Variants in ERG observed in about 807,000 individuals in gnomAD.
ERG encodes transcriptional regulator ERG.
A neutral mutation model predicts 55.3 loss-of-function variants in ERG; 9 were observed. The ratio of observed to expected loss-of-function variants is 0.16; its 90% CI spans 0.10 to 0.28. The LOEUF is 0.28. ERG is among the 10% of genes least tolerant of loss of function. The pLI is 1.00. For missense variants in ERG, 434 were observed against 631.6 expected (o/e 0.69, Z 3.35); for synonymous variants, 223 against 237.3 (o/e 0.94, Z 0.55).
chr21:38,533,705 A>C (rs2146777659), intron 2 of ERG, among the ~76,000 whole-genome samples: 1 of 152,298 alleles, frequency 6.6e-6, no homozygotes. Flanking sequence ...CCTCATTAAA[A>C]CCAACACTTA....
chr21:38,475,157 G>A (rs2059176032), intron 1 of ERG, among the ~76,000 whole-genome samples: 1 of 152,222 alleles, frequency 6.6e-6, no homozygotes, highest in South Asian at 2.1e-4. Flanking sequence ...GAACTGAAAC[G>A]ACTGCAAAAA....
At chr21:38,439,189 T>TA (rs755429140) in intron 2 of ERG, among the ~76,000 whole-genome samples, 1 of 152,080 alleles carries the variant, frequency 6.6e-6, no homozygotes, top group Non-Finnish European at 1.5e-5. Flanking sequence ...AGGTGCCACT[T>TA]AGTGTAAGCT....
intron 1 of ERG, among the ~76,000 whole-genome samples, chr21:38,637,567 C>A (rs1225719946): frequency 6.6e-6 from 1 of 152,166 alleles, no homozygotes; most frequent in Non-Finnish European, 1.5e-5. Flanking sequence ...ATTGTCCTGA[C>A]AACTGTGCTA....
chr21:38,468,706 C>T (rs973923684), intron 1 of ERG, among the ~76,000 whole-genome samples: 5 of 152,140 alleles, frequency 3.3e-5, no homozygotes, highest in African/African-American at 4.8e-5. Flanking sequence ...GTGGCTTCTG[C>T]CGGGTGCGGT....
At chr21:38,422,251 T>G (rs1989581444) in intron 3 of ERG, among the ~76,000 whole-genome samples, 1 of 152,220 alleles carries the variant, frequency 6.6e-6, no homozygotes, top group Non-Finnish European at 1.5e-5. Context: ...TGACGCCAAA[T>G]TCAAATCCCT....
At chr21:38,493,119 A>AT (rs2059350292) in intron 1 of ERG, among the ~76,000 whole-genome samples, 2 of 152,168 alleles carry the variant, frequency 1.3e-5, no homozygotes, top group African/African-American at 4.8e-5. Context: ...AGACTTAAAA[A>AT]ATATATATAC....
At chr21:38,413,733 T>C (rs1989158589) in intron 3 of ERG, among the ~76,000 whole-genome samples, 1 of 38,928 alleles carries the variant, frequency 2.6e-5, no homozygotes, top group East Asian at 5.5e-4. Flanking sequence ...TTTGTTGTTG[T>C]TGCCTCCTGT....
intron 2 of ERG, among the ~76,000 whole-genome samples, chr21:38,445,100 G>A (rs16996322): frequency 0.035 from 5,294 of 150,680 alleles, 103 homozygotes; most frequent in South Asian, 0.094. Context: ...GCTGTCCAAC[G>A]TCACCGTTCA....
At chr21:38,415,271 C>A (rs1490286039) in intron 3 of ERG, among the ~76,000 whole-genome samples, 1 of 152,174 alleles carries the variant, frequency 6.6e-6, no homozygotes, top group Non-Finnish European at 1.5e-5. Flanking sequence ...GTACCTACAT[C>A]ATAGGGTGGT....
rs1022571584 is a variant in ERG, at chr21:38,381,770, T to C, written c.*1633A>G. On this transcript the variant is annotated 3_prime_UTR_variant, in exon 10 of 10. Transcript: ENST00000288319. ...CATAGGCCTCTTTCCATTCCAGGCA[T>C]AAATATGGAGGCTCCAATGTGAAAC... The C allele has an allele frequency of 1.0e-5, 11 of 1,063,340 alleles. No individual in the cohort carries two copies. The East Asian group carries it at 5.6e-4, about 54-fold the overall frequency. 65.9% of individuals were successfully genotyped at this position (1,063,340 alleles called of 1,614,324 possible). A position where few individuals can be genotyped will look rare whatever the true frequency, so the allele number is the denominator to read the frequency against.
At chr21:38,569,052 C>T (rs1035511931) in intron 2 of ERG, among the ~76,000 whole-genome samples, 3 of 152,202 alleles carry the variant, frequency 2.0e-5, no homozygotes, top group African/African-American at 7.2e-5. Context: ...CCTGCCCAGA[C>T]CCCAGCAGCA....
At chr21:38,554,031 A>G (rs181412932) in intron 2 of ERG, among the ~76,000 whole-genome samples, 8 of 152,314 alleles carry the variant, frequency 5.3e-5, no homozygotes, top group African/African-American at 1.9e-4. Context: ...AAAAACATGA[A>G]AAGACACTTC....
chr21:38,453,059 T>C (rs769360643), intron 1 of ERG, among the ~76,000 whole-genome samples: 29 of 152,222 alleles, frequency 1.9e-4, no homozygotes, highest in Admixed American at 5.2e-4. Flanking sequence ...AGAGACGTGT[T>C]TTTGTGAGAT....
chr21:38,480,591 C>CTTTTTTTTTTTTTTTTTTTTTTTT lies in ERG; in HGVS notation c.18+17771_18+17772insAAAAAAAAAAAAAAAAAAAAAAAA, dbSNP rs544037525. Among the ~76,000 whole-genome samples, 11 of 51,112 alleles carry CTTTTTTTTTTTTTTTTTTTTTTTT rather than the reference C, an allele frequency of 2.2e-4. 2 individuals are homozygous for CTTTTTTTTTTTTTTTTTTTTTTTT. Among genetic ancestry groups the CTTTTTTTTTTTTTTTTTTTTTTTT allele is most frequent in the Non-Finnish European group, 2.7e-4 (8 of 29,100 alleles). The allele number at this position is 51,112 out of a possible 152,430, so 33.5% of individuals were successfully genotyped here. On this transcript the variant is annotated intron_variant, in intron 1 of 9. Coordinates refer to ENST00000288319, the MANE Select transcript of ERG (RefSeq NM_182918.4). Reference sequence around the variant, plus strand: ...TTGCCACTTTAGGGCACTATATGGCCTTTTTTTTTTTTTTTTTTTTTTTGC... The same window carrying CTTTTTTTTTTTTTTTTTTTTTTTT: ...TTGCCACTTTAGGGCACTATATGGCCTTTTTTTTTTTTTTTTTTTTTTTTTTTTTTTTTTTTTTTTTTTTTTTGC...
chr21:38,569,148 C>A lies in ERG; in HGVS notation c.-41+6514G>T, dbSNP rs187752885. 5.3e-4 allele frequency among the ~76,000 whole-genome samples: 81 copies of A among 152,336 alleles called. 1 individual carries two copies. The highest frequency in any genetic ancestry group is 6.8e-3 in the Middle Eastern group (2 of 294). ...ATGCCCTGAGTGGCAGATGCTGTGT[C>A]TTTTTGATCCCTTCTCTCCCTCCCC... is the stretch of plus-strand genomic sequence containing the variant. On this transcript the variant is annotated intron_variant, in intron 2 of 8. Transcript: ENST00000398897.
chr21:38,604,269 A>AG (rs2060183903), intron 1 of ERG, among the ~76,000 whole-genome samples: 2 of 150,698 alleles, frequency 1.3e-5, no homozygotes, highest in South Asian at 4.2e-4. Context: ...AAAAAAAAAA[A>AG]GTACTAGTTT....
intron 1 of ERG, among the ~76,000 whole-genome samples, chr21:38,452,719 C>T (rs1470558896): frequency 6.6e-6 from 1 of 152,228 alleles, no homozygotes; most frequent in Non-Finnish European, 1.5e-5. Context: ...CCCTTCAGAA[C>T]AGACTTAGCT....
intron 1 of ERG, among the ~76,000 whole-genome samples, chr21:38,643,783 A>C (rs1164821810): frequency 6.6e-6 from 1 of 152,218 alleles, no homozygotes; most frequent in Non-Finnish European, 1.5e-5. Flanking sequence ...ATTGAAGTGC[A>C]TGTTTCTGTA....
rs570771798 is a variant in ERG at position 38,573,136 on chromosome 21, C to T, written c.-41+2526G>A. On this transcript the variant is annotated intron_variant, in intron 2 of 8. Coordinates refer to the ERG transcript ENST00000398897. Reference sequence around the variant, plus strand: ...AAGCAGTATACTTGGTAAAAGTCATCGCCATTCTCTAGCCTCAATAAACCA... The same window carrying T: ...AAGCAGTATACTTGGTAAAAGTCATTGCCATTCTCTAGCCTCAATAAACCA... Among the ~76,000 whole-genome samples, 21 of 152,300 alleles carry T rather than the reference C, an allele frequency of 1.4e-4. No individual in the cohort carries two copies. In the East Asian group the frequency reaches 2.3e-3, roughly 17 times the overall value.
Sources: allele counts gnomAD v4.1 joint callset (sites outside exome capture counted in the v4.1 genomes callset), GRCh38; gene constraint gnomAD v4.1.1; transcripts MANE v1.5; gene names NCBI Gene and HGNC (gene_info 2026-07-23, HGNC 2026-07-21).